The following CSPG5 variants were observed in gnomAD, a reference collection of about 807,000 sequenced individuals.
CSPG5 encodes the protein chondroitin sulfate proteoglycan 5.
Under a neutral mutation model 39.8 loss-of-function variants are expected in CSPG5, and 25 were observed. The ratio of observed to expected loss-of-function variants is 0.63; its 90% CI spans 0.46 to 0.88. The LOEUF is 0.88. CSPG5 is among the 40% of genes least tolerant of loss of function. The pLI is 0.00. For synonymous variants in CSPG5, 295 were observed against 303.9 expected (o/e 0.97, Z 0.31); for missense variants, 627 against 702.2 (o/e 0.89, Z 1.21).
intron 2 of CSPG5, among the ~76,000 whole-genome samples, chr3:47,574,951 C>CA (rs2031655647): frequency 6.6e-6 from 1 of 151,794 alleles, no homozygotes; most frequent in African/African-American, 2.4e-5. Context: ...AAAACAACAA[C>CA]AACAAAAAAA....
rs1559612972 is a variant in CSPG5 at position 47,572,632 on chromosome 3, CG to C, written c.1382+53del. ...ATCAGTTGGAGGGGTGCAGCAGCGT[CG>C]GGGGGCCTCCCACACCCTGACCTGG... is the stretch of plus-strand genomic sequence containing the variant. On this transcript the variant is annotated intron_variant, in intron 3 of 4. Coordinates refer to ENST00000264723, the MANE Select transcript of CSPG5 (RefSeq NM_006574.4). This position sits in a 1 kb window ranked among gnomAD's most constrained non-coding sequence, Gnocchi z 4.5. 2 of 1,507,054 alleles carry C rather than the reference CG, an allele frequency of 1.3e-6. No individual in the cohort carries two copies. Among genetic ancestry groups the C allele is most frequent in the African/African-American group, 1.4e-5 (1 of 73,018 alleles). 93.4% of individuals were successfully genotyped at this position (1,507,054 alleles called of 1,614,324 possible).
Position 47,562,671 on chromosome 3 carries a change from G to A in CSPG5, c.1549C>T (p.Pro517Ser), listed in dbSNP as rs776797099. ...TCACCTTTGCCACCCTCAAGTTTGG[G>A]CGACATGGAGTTCTGGATGTTAAAT... is the stretch of plus-strand genomic sequence containing the variant. ...ESFNIQNSMS[P>S]KLEGGKGDQA... The change falls in exon 5 of 5, where the codon CCC (proline) becomes TCC (serine). Residue 517 changes from proline to serine, a missense_variant. By Grantham distance (74) the Pro-to-Ser change is moderately conservative. Transcript: ENST00000264723. 6.2e-7 allele frequency: 1 copy of A among 1,613,944 alleles called. No homozygotes were observed. Among genetic ancestry groups the A allele is most frequent in the Admixed American group, 1.7e-5 (1 of 60,002 alleles).
Position 47,577,250 on chromosome 3 carries a change from G to C in CSPG5, c.776C>G (p.Pro259Arg). 1.9e-6 allele frequency: 3 copies of C among 1,611,464 alleles called. No homozygotes were observed. Among genetic ancestry groups the C allele is most frequent in the South Asian group, 1.1e-5 (1 of 90,582 alleles). ...SLLDLYDDFTPFDESDFYPTT... is the reference protein window; with the variant it reads ...SLLDLYDDFTRFDESDFYPTT... ...GGGGTAGAAATCAGATTCATCGAAG[G>C]GGGTGAAATCATCGTATAAGTCAAG... The change falls in exon 2 of 5, where the codon CCC (proline) becomes CGC (arginine). Residue 259 changes from proline to arginine, a missense_variant. Coordinates refer to ENST00000264723, the MANE Select transcript of CSPG5 (RefSeq NM_006574.4). The surrounding 1 kb of genome is among the most constrained non-coding windows in gnomAD (Gnocchi z 4.7).
At chr3:47,571,878 C>T (rs1313123335) in intron 3 of CSPG5, among the ~76,000 whole-genome samples, 2 of 152,196 alleles carry the variant, frequency 1.3e-5, no homozygotes, top group African/African-American at 2.4e-5. Context: ...AAAAGGTTTT[C>T]TAACTTTGCT....
chr3:47,564,084 C>G (rs1303679065), intron 4 of CSPG5, among the ~76,000 whole-genome samples: 2 of 152,128 alleles, frequency 1.3e-5, no homozygotes, highest in Admixed American at 1.3e-4. Context: ...CAGTGTGTAA[C>G]CACTAAGGCA....
chr3:47,576,775 G>A, intron 2 of CSPG5, 58 bp downstream of exon 2: 1 of 1,506,776 alleles, frequency 6.6e-7, no homozygotes, highest in African/African-American at 1.4e-5. Context: ...GCCCTCTGTT[G>A]AGTCGGCCTC....
At chr3:47,569,000 G>A in intron 4 of CSPG5, 152 bp downstream of exon 4, 1 of 1,349,350 alleles carries the variant, frequency 7.4e-7, no homozygotes, top group Non-Finnish European at 9.8e-7. Flanking sequence ...TTCATATTCT[G>A]AAATAGACAT....
In CSPG5 at chr3:47,578,000, C is replaced by G. The variant is rs983574554; in HGVS notation, c.98-72G>C. ...GGAGCCCTGGAGCCCCGGCCCGCCC[C>G]GGTCAGGCCCGCTCGCCTAGACCTG... On this transcript the variant is annotated intron_variant, in intron 1 of 4. Transcript: ENST00000264723. The surrounding 1 kb of genome is among the most constrained non-coding windows in gnomAD (Gnocchi z 4.7). The G allele has an allele frequency of 5.2e-6, 7 of 1,358,496 alleles. No homozygotes were observed. The highest frequency in any genetic ancestry group is 3.0e-5 in the East Asian group (1 of 33,298). 84.2% of individuals were successfully genotyped at this position (1,358,496 alleles called of 1,614,324 possible).
Position 47,562,654 on chromosome 3 carries a change from G to A in CSPG5, c.1566C>T (p.Gly522=). ...CATCCAAGTCAGCCTGGTCACCTTT[G>A]CCACCCTCAAGTTTGGGCGACATGG... The part of the protein sequence containing the change: ...QNSMSPKLEG[G]KGDQADLDVN... The change falls in exon 5 of 5, where the codon GGC becomes GGT. Residue 522 remains glycine, a synonymous_variant. Transcript: ENST00000264723. The A allele has an allele frequency of 6.2e-7, 1 of 1,611,274 alleles. No homozygotes were observed. Among genetic ancestry groups the A allele is most frequent in the Non-Finnish European group, 8.5e-7 (1 of 1,178,748 alleles).
intron 4 of CSPG5, among the ~76,000 whole-genome samples, chr3:47,566,223 A>T (rs2031294324): frequency 6.7e-6 from 1 of 148,168 alleles, no homozygotes; most frequent in Admixed American, 6.8e-5. Context: ...AATAAATAAA[A>T]CTCTCCAAAA....
intron 3 of CSPG5, among the ~76,000 whole-genome samples, chr3:47,571,241 G>A (rs2031516633): frequency 6.6e-6 from 1 of 152,204 alleles, no homozygotes; most frequent in Admixed American, 6.5e-5. Context: ...CATCAAAGCA[G>A]TAACCAGGCT....
At chr3:47,563,269 A>T (rs909488720) in intron 4 of CSPG5, among the ~76,000 whole-genome samples, 1 of 152,230 alleles carries the variant, frequency 6.6e-6, no homozygotes, top group Non-Finnish European at 1.5e-5. Flanking sequence ...CTCTCCCCAC[A>T]GTAAGAGCAT....
At chr3:47,564,700 A>T (rs1443629262) in intron 4 of CSPG5, among the ~76,000 whole-genome samples, 1 of 152,146 alleles carries the variant, frequency 6.6e-6, no homozygotes, top group Non-Finnish European at 1.5e-5. Context: ...TCATACACTG[A>T]TTGAAAAAAA....
chr3:47,577,484 C>T lies in CSPG5; in HGVS notation c.542G>A (p.Gly181Asp), dbSNP rs768307634. 1 of 1,611,624 alleles carries T rather than the reference C, an allele frequency of 6.2e-7. No homozygotes were observed. Among genetic ancestry groups the T allele is most frequent in the Non-Finnish European group, 8.5e-7 (1 of 1,178,332 alleles). Residue 181 changes from glycine to aspartate, a missense_variant, in exon 2 of 5, where the codon GGC becomes GAC. Transcript: ENST00000264723. The surrounding 1 kb of genome is among the most constrained non-coding windows in gnomAD (Gnocchi z 4.7). ...TGGCCCTTGAGGGTCGGGTGTGCTG[C>T]CCCCCAGGTTCAGCCAAACCTCCAA... The part of the protein sequence containing the change: ...SPLEVWLNLG[G>D]STPDPQGPEL...
chr3:47,575,444 A>C (rs985107130), intron 2 of CSPG5, among the ~76,000 whole-genome samples: 2 of 152,214 alleles, frequency 1.3e-5, no homozygotes, highest in African/African-American at 4.8e-5. Flanking sequence ...CTCTCCAGCA[A>C]GTTAAATACC....
rs957506659 is a variant in CSPG5, at chr3:47,578,270, C to T, written c.97+327G>A. The T allele has an allele frequency of 2.2e-4, 59 of 270,636 alleles. No homozygotes were observed. In the East Asian group the frequency reaches 3.9e-3, roughly 18 times the overall value. The allele number at this position is 270,636 out of a possible 1,614,324, so 16.8% of individuals were successfully genotyped here. A position where few individuals can be genotyped will look rare whatever the true frequency, so the allele number is the denominator to read the frequency against. On this transcript the variant is annotated intron_variant, in intron 1 of 4. Coordinates refer to ENST00000264723, the MANE Select transcript of CSPG5 (RefSeq NM_006574.4). This position sits in a 1 kb window ranked among gnomAD's most constrained non-coding sequence, Gnocchi z 6.0. ...ACCCTGAGCCGCGTCCACTGGCTCC[C>T]GCCCTCAGCTCCAGGTCCCGCCCCG...
Position 47,577,563 on chromosome 3 carries a change from G to A in CSPG5, c.463C>T (p.Pro155Ser), listed in dbSNP as rs757347356. 1.2e-6 allele frequency: 2 copies of A among 1,610,742 alleles called. No homozygotes were observed. The highest frequency in any genetic ancestry group is 2.2e-5 in the East Asian group (1 of 44,872). Reference sequence around the variant, plus strand: ...GGGCTCAGCTTGTCGCCGGGGGTGGGGGAGGGTGGCCCGCTGGCCTCTGTA... The same window carrying A: ...GGGCTCAGCTTGTCGCCGGGGGTGGAGGAGGGTGGCCCGCTGGCCTCTGTA... ...EATEASGPPS[P>S]TPGDKLSPAS... The change falls in exon 2 of 5, where the codon CCC (proline) becomes TCC (serine). Residue 155 changes from proline to serine, a missense_variant. Transcript: ENST00000264723. The surrounding 1 kb of genome is among the most constrained non-coding windows in gnomAD (Gnocchi z 4.7).
Position 47,570,269 on chromosome 3 carries a change from ATTT to A in CSPG5, c.1383-1045_1383-1043del, listed in dbSNP as rs36030946. ...CCCTCTTCCAGATTATCTTAAAACA[ATTT>A]TTTTTTTTTTTTGTAAAGATGAGGT... On this transcript the variant is annotated intron_variant, in intron 3 of 4. Coordinates refer to ENST00000264723, the MANE Select transcript of CSPG5 (RefSeq NM_006574.4). 8.3e-4 allele frequency among the ~76,000 whole-genome samples: 113 copies of A among 136,520 alleles called. 1 individual carries two copies. Among genetic ancestry groups the A allele is most frequent in the African/African-American group, 2.9e-3 (109 of 37,678 alleles). 89.6% of individuals were successfully genotyped at this position (136,520 alleles called of 152,430 possible). A position where few individuals can be genotyped will look rare whatever the true frequency, so the allele number is the denominator to read the frequency against.
chr3:47,567,895 C>T (rs1314670449), intron 4 of CSPG5, among the ~76,000 whole-genome samples: 2 of 152,222 alleles, frequency 1.3e-5, no homozygotes, highest in East Asian at 1.9e-4. Flanking sequence ...GCCTCTAGTC[C>T]TAGCAACTCA....
Sources: gnomAD v4.1 joint callset for allele counts (sites outside exome capture counted in the v4.1 genomes callset) on GRCh38, gnomAD v4.1.1 for gene constraint, Gnocchi (gnomAD v3.1) non-coding constraint, MANE v1.5 for transcripts, NCBI Gene and HGNC (gene_info 2026-07-23, HGNC 2026-07-21) for gene names.